The following PDE4B variants were observed in gnomAD, a reference collection of about 807,000 sequenced individuals.
PDE4B encodes phosphodiesterase 4B, also known as 3',5'-cyclic-AMP phosphodiesterase 4B.
A neutral mutation model predicts 82.2 loss-of-function variants in PDE4B; 20 were observed. The observed-to-expected ratio is 0.24, with a 90% confidence interval of 0.17 to 0.35. The LOEUF is 0.35. Ranked by LOEUF, PDE4B falls within the 10% of genes least tolerant of loss-of-function variation. The pLI is 1.00. For missense variants in PDE4B, 655 were observed against 907.2 expected (o/e 0.72, Z 3.57); for synonymous variants, 320 against 318.9 (o/e 1.00, Z -0.04).
intron 3 of PDE4B, among the ~76,000 whole-genome samples, chr1:66,013,460 T>C (rs1652600490): frequency 6.6e-6 from 1 of 152,170 alleles, no homozygotes. Context: ...TGTTCTTTAC[T>C]GATACAGTTT....
intron 3 of PDE4B, among the ~76,000 whole-genome samples, chr1:66,081,101 T>C (rs967757640): frequency 1.3e-5 from 2 of 152,186 alleles, no homozygotes; most frequent in Non-Finnish European, 2.9e-5. Context: ...TCACGGCTAC[T>C]GCATCTTTTA....
intron 1 of PDE4B, among the ~76,000 whole-genome samples, chr1:65,902,020 C>T (rs1004725069): frequency 1.3e-5 from 2 of 152,000 alleles, no homozygotes; most frequent in Admixed American, 6.6e-5. Flanking sequence ...TTTTTTACTT[C>T]TGCCTTAATT....
chr1:66,149,789 G>C (rs977941165), intron 3 of PDE4B, among the ~76,000 whole-genome samples: 1 of 152,094 alleles, frequency 6.6e-6, no homozygotes, highest in African/African-American at 2.4e-5. Context: ...GGAGTTTGAG[G>C]ATGCAGTAAG....
At chr1:66,099,686 G>T (rs751534728) in intron 3 of PDE4B, among the ~76,000 whole-genome samples, 3 of 152,070 alleles carry the variant, frequency 2.0e-5, no homozygotes. Context: ...GTGAACATAT[G>T]CAAGAAATTG....
intron 3 of PDE4B, among the ~76,000 whole-genome samples, chr1:66,091,162 C>T (rs918440175): frequency 9.2e-5 from 14 of 151,948 alleles, no homozygotes; most frequent in African/African-American, 3.4e-4. Flanking sequence ...ATTAACGAGA[C>T]ACCCTAGGTT....
intron 9 of PDE4B, among the ~76,000 whole-genome samples, chr1:66,358,098 C>G (rs1045180068): frequency 7.2e-5 from 11 of 152,154 alleles, no homozygotes; most frequent in Non-Finnish European, 1.6e-4. Context: ...ACCATAAAAC[C>G]TTGTAGTCCA....
rs571134450 is a variant in PDE4B at position 66,133,838 on chromosome 1, G to C, written c.282-113622G>C. Among the ~76,000 whole-genome samples the C allele has an allele frequency of 3.3e-5, 5 of 152,270 alleles. No homozygotes were observed. In the South Asian group the frequency reaches 8.3e-4, roughly 25 times the overall value. On this transcript the variant is annotated intron_variant, in intron 3 of 16. Coordinates refer to ENST00000341517, the MANE Select transcript of PDE4B (RefSeq NM_002600.4). ...AACCTGGAAGGTGGGGAGTAGGAGGGAGTTGGTAGCTGGAGTTGGGCTTTC... is the reference window on the plus strand; with the variant it reads ...AACCTGGAAGGTGGGGAGTAGGAGGCAGTTGGTAGCTGGAGTTGGGCTTTC...
chr1:66,175,807 G>A (rs1373879071), intron 3 of PDE4B, among the ~76,000 whole-genome samples: 2 of 152,176 alleles, frequency 1.3e-5, no homozygotes, highest in Non-Finnish European at 2.9e-5. Flanking sequence ...AGTCAGTCTT[G>A]TATGAATCAT....
chr1:66,128,871 T>C (rs1645876641), intron 3 of PDE4B, among the ~76,000 whole-genome samples: 1 of 152,174 alleles, frequency 6.6e-6, no homozygotes, highest in East Asian at 1.9e-4. Flanking sequence ...ATGAGACTTA[T>C]TCACTACCAT....
intron 3 of PDE4B, among the ~76,000 whole-genome samples, chr1:65,954,811 A>G (rs190062529): frequency 6.6e-6 from 1 of 152,192 alleles, no homozygotes; most frequent in East Asian, 1.9e-4. Flanking sequence ...GTTCATATAA[A>G]TATTTTCTAT....
chr1:66,039,450 A>G (rs540405570), intron 3 of PDE4B, among the ~76,000 whole-genome samples: 2 of 152,208 alleles, frequency 1.3e-5, no homozygotes, highest in African/African-American at 4.8e-5. Flanking sequence ...ATTCAGTTTC[A>G]GAATAATACA....
At chr1:65,871,131 A>G (rs1402169750) in intron 1 of PDE4B, among the ~76,000 whole-genome samples, 1 of 152,168 alleles carries the variant, frequency 6.6e-6, no homozygotes, top group Non-Finnish European at 1.5e-5. Flanking sequence ...TAAGGACAAG[A>G]TAGATACTTG....
chr1:66,099,246 G>T (rs2455025), intron 3 of PDE4B, among the ~76,000 whole-genome samples: 74,742 of 151,850 alleles, frequency 0.49, 18,921 homozygotes, highest in East Asian at 0.67. Flanking sequence ...GTGTTAGTTT[G>T]CTGAGGATAA....
At chr1:65,992,214 G>A (rs937016806) in intron 3 of PDE4B, among the ~76,000 whole-genome samples, 2 of 151,922 alleles carry the variant, frequency 1.3e-5, no homozygotes, top group Non-Finnish European at 2.9e-5. Flanking sequence ...AGCTTTTTTT[G>A]ACAATCCTGG....
intron 7 of PDE4B, among the ~76,000 whole-genome samples, chr1:66,292,771 CT>C (rs1484435369): frequency 6.6e-6 from 1 of 152,164 alleles, no homozygotes; most frequent in Non-Finnish European, 1.5e-5. Context: ...CTACCTCCTC[CT>C]TCCCACTATC....
chr1:65,809,654 G>A (rs1011578732), intron 1 of PDE4B, among the ~76,000 whole-genome samples: 5 of 152,136 alleles, frequency 3.3e-5, no homozygotes, highest in Non-Finnish European at 7.3e-5. Context: ...AGCATTCATA[G>A]CTTGGAATTG....
intron 7 of PDE4B, among the ~76,000 whole-genome samples, chr1:66,318,071 C>T (rs1391074870): frequency 6.6e-6 from 1 of 152,112 alleles, no homozygotes; most frequent in African/African-American, 2.4e-5. Flanking sequence ...CTCAGTCTGC[C>T]AAGACTGCTT....
chr1:66,319,316 C>G (rs918434901), intron 7 of PDE4B, among the ~76,000 whole-genome samples: 2 of 152,190 alleles, frequency 1.3e-5, no homozygotes, highest in Non-Finnish European at 2.9e-5. Context: ...CTACTCTTCA[C>G]TGACTCTTGA....
intron 1 of PDE4B, among the ~76,000 whole-genome samples, chr1:65,816,243 T>TAGAG (rs71058432): frequency 0.81 from 115,144 of 141,658 alleles, 47,219 homozygotes; most frequent in Non-Finnish European, 0.91. Flanking sequence ...GAGAGAGAGA[T>TAGAG]AGAGAGATTT....
Sources: allele counts gnomAD v4.1 joint callset (sites outside exome capture counted in the v4.1 genomes callset), GRCh38; gene constraint gnomAD v4.1.1; transcripts MANE v1.5; gene names NCBI Gene and HGNC (gene_info 2026-07-23, HGNC 2026-07-21).